BCAR1: variants seen among roughly 807,000 people sequenced by gnomAD.
The protein encoded by BCAR1 is breast cancer anti-estrogen resistance protein 1.
In BCAR1, 30 loss-of-function variants were observed where a neutral mutation model predicts 67.6. The ratio of observed to expected loss-of-function variants is 0.44; its 90% CI spans 0.33 to 0.60. BCAR1 has a LOEUF of 0.60. BCAR1 is among the 20% of genes least tolerant of loss of function. The pLI, the probability that BCAR1 is intolerant of heterozygous loss-of-function variation, is 0.02. For synonymous variants in BCAR1, 626 were observed against 556.7 expected (o/e 1.12, Z -1.75); for missense variants, 1,313 against 1,222.3 (o/e 1.07, Z -1.11).
Position 75,233,907 on chromosome 16 carries a change from T to A in BCAR1, c.2039A>T (p.Lys680Met). The A allele has an allele frequency of 6.2e-7, 1 of 1,610,124 alleles. No homozygotes were observed. Among genetic ancestry groups the A allele is most frequent in the Non-Finnish European group, 8.5e-7 (1 of 1,178,360 alleles). ...GATGCTGCCCTTTTCCAGCAGCTCC[T>A]TCTGGGTCTTCTCAAACTCCTCCTT... ...QGKEEFEKTQ[K>M]ELLEKGSITR... Residue 680 changes from lysine (K) to methionine (M), a missense_variant, in exon 6 of 7, where the codon AAG becomes ATG. Physicochemically the swap from Lys to Met is moderately conservative, Grantham distance 95 (BLOSUM62 -1). Transcript: ENST00000162330.
chr16:75,248,448 A>T (rs139050332), intron 1 of BCAR1: 16 of 914,388 alleles, frequency 1.7e-5, no homozygotes, highest in Non-Finnish European at 2.2e-5. Context: ...CATGCGCCCA[A>T]CTGGCCATCC....
upstream of BCAR1, among the ~76,000 whole-genome samples, chr16:75,253,329 T>A (rs184291932): frequency 6.6e-6 from 1 of 152,164 alleles, no homozygotes; most frequent in East Asian, 1.9e-4. Context: ...TCCACTTCTG[T>A]GGGGAGGGGA....
chr16:75,264,480 G>A, intron 1 of BCAR1: 1 of 1,466,260 alleles, frequency 6.8e-7, no homozygotes, highest in Non-Finnish European at 9.0e-7. Flanking sequence ...GAACAGAAGA[G>A]AGGAAGGGCT....
chr16:75,243,252 A>G lies in BCAR1; in HGVS notation c.13-162T>C, dbSNP rs538247278. ...TTGTGCCTTTGCCTCCACTGTCCCC[A>G]CCTGTTCCCCAGCAGAAAGGCCCAG... On this transcript the variant is annotated intron_variant, in intron 1 of 6. Transcript: ENST00000162330. 6.6e-5 allele frequency among the ~76,000 whole-genome samples: 10 copies of G among 151,870 alleles called. No homozygotes were observed. The East Asian group carries it at 1.7e-3, about 27-fold the overall frequency.
At chr16:75,263,963 A>G in intron 1 of BCAR1, 1 of 1,143,118 alleles carries the variant, frequency 8.7e-7, no homozygotes. Context: ...GTGATCTGCC[A>G]GCCAGCCACG....
rs371417209 is a variant in BCAR1 at position 75,229,844 on chromosome 16, G to A, written c.2280C>T (p.Asn760=). The A allele has an allele frequency of 2.5e-5, 41 of 1,613,266 alleles. No homozygotes were observed. The highest frequency in any genetic ancestry group is 8.0e-5 in the African/African-American group (6 of 74,930). ...QCEANLTTLT[N]AVDAFFTAVA... is the part of the protein sequence containing the mutation. ...CGGCGGTAAAGAAGGCGTCCACGGC[G>A]TTGGTCAGTGTGGTCAGGTTGGCCT... The change falls in exon 7 of 7, where the codon AAC becomes AAT. Residue 760 remains asparagine (N), a synonymous_variant. Coordinates refer to ENST00000162330, the MANE Select transcript of BCAR1 (RefSeq NM_014567.5).
At chr16:75,252,538 C>CTA, upstream of BCAR1, 1 of 889,550 alleles carries the variant, frequency 1.1e-6, no homozygotes, top group Non-Finnish European at 1.6e-6. Context: ...GTGCCAGAGC[C>CTA]CCTGGGCCAG....
At chr16:75,256,942 C>T (rs2077790868) in intron 1 of BCAR1, among the ~76,000 whole-genome samples, 1 of 152,150 alleles carries the variant, frequency 6.6e-6, no homozygotes, top group Non-Finnish European at 1.5e-5. Flanking sequence ...GCACTCTGCC[C>T]CGCTGCTGAC....
chr16:75,242,846 T>A lies in BCAR1; in HGVS notation c.257A>T (p.Gln86Leu). The change falls in exon 2 of 7, where the codon CAG becomes CTG. Residue 86 changes from glutamine to leucine, a missense_variant. By Grantham distance (113) the Gln-to-Leu change is moderately radical (BLOSUM62 -2). Coordinates refer to ENST00000162330, the MANE Select transcript of BCAR1 (RefSeq NM_014567.5). ...AGGCGCTGGGGCATGGAGGCCAGGCTGAGGCTGGGCCGGGGTGGCGGGAGG... is the reference window on the plus strand; with the variant it reads ...AGGCGCTGGGGCATGGAGGCCAGGCAGAGGCTGGGCCGGGGTGGCGGGAGG... ...PGPPATPAQP[Q>L]PGLHAPAPPA... 4 of 1,608,448 alleles carry A rather than the reference T, an allele frequency of 2.5e-6. No individual in the cohort carries two copies. Among genetic ancestry groups the A allele is most frequent in the Non-Finnish European group, 3.4e-6 (4 of 1,178,536 alleles).
chr16:75,242,144 G>A (rs1182222995), intron 2 of BCAR1, among the ~76,000 whole-genome samples: 1 of 152,176 alleles, frequency 6.6e-6, no homozygotes, highest in Non-Finnish European at 1.5e-5. Flanking sequence ...TCCCTTGCGG[G>A]GGCCCAGCAA....
chr16:75,229,986 C>G lies in BCAR1; in HGVS notation c.2138G>C (p.Arg713Pro). The G allele has an allele frequency of 6.4e-7, 1 of 1,569,300 alleles. No individual in the cohort carries two copies. Among genetic ancestry groups the G allele is most frequent in the Non-Finnish European group, 8.7e-7 (1 of 1,155,252 alleles). ...GTTGGCCAGGTCGTGGTCTATGGGC[C>G]GTGACACCTCCTGTTCCAGTCGTTC... ...QFERLEQEVS[R>P]PIDHDLANWT... Residue 713 changes from arginine (R) to proline (P), a missense_variant, in exon 7 of 7, where the codon CGG (arginine) becomes CCG (proline). Around this residue, in one of 2 missense-constraint regions of BCAR1, gnomAD observed 1,272 missense variants for 1,137.5 expected, o/e 1.12. Transcript: ENST00000162330.
At chr16:75,252,131 T>G, upstream of BCAR1, 2 of 1,452,654 alleles carry the variant, frequency 1.4e-6, no homozygotes, top group Non-Finnish European at 1.9e-6. Flanking sequence ...CCACCACAGC[T>G]CCGACTGTAG....
upstream of BCAR1, chr16:75,256,035 G>T: frequency 6.6e-6 from 1 of 152,512 alleles, no homozygotes; most frequent in Non-Finnish European, 1.5e-5. Context: ...GAACCTTTGT[G>T]GATAGCACGG....
rs1305933030 is a variant in BCAR1, at chr16:75,229,274, G to A, written c.*237C>T. ...CCGTCTGGTGACCCAACCCGGGCCC[G>A]TGGTGCATGCTGGGGAAGGCCACTG... On this transcript the variant is annotated 3_prime_UTR_variant, in exon 7 of 7. Transcript: ENST00000162330. The A allele has an allele frequency of 6.7e-6, 4 of 592,652 alleles. No homozygotes were observed. Among genetic ancestry groups the A allele is most frequent in the Non-Finnish European group, 1.1e-5 (4 of 367,392 alleles). The allele number at this position is 592,652 out of a possible 1,614,324, so 36.7% of individuals were successfully genotyped here. A position where few individuals can be genotyped will look rare whatever the true frequency, so the allele number is the denominator to read the frequency against.
Position 75,266,702 on chromosome 16 carries a change from G to C in BCAR1, c.66+1213C>G, listed in dbSNP as rs886269989. ...GTTACATTTCATAGGCCCAGGCACT[G>C]AGATCCCTCACCCACTCAAAGGAAG... On this transcript the variant is annotated intron_variant, in intron 1 of 6. Coordinates refer to the BCAR1 transcript ENST00000393422. 2.7e-5 allele frequency: 37 copies of C among 1,385,880 alleles called. No homozygotes were observed. The Admixed American group carries it at 9.0e-4, about 34-fold the overall frequency. The allele number at this position is 1,385,880 out of a possible 1,614,324, so 85.8% of individuals were successfully genotyped here.
chr16:75,244,090 T>C (rs2151440450), intron 1 of BCAR1, among the ~76,000 whole-genome samples: 1 of 152,218 alleles, frequency 6.6e-6, no homozygotes, highest in East Asian at 1.9e-4. Context: ...GGAAGCCGGG[T>C]GTGAGAACAG....
chr16:75,254,935 G>T (rs906252571), upstream of BCAR1, among the ~76,000 whole-genome samples: 3 of 152,154 alleles, frequency 2.0e-5, no homozygotes, highest in Non-Finnish European at 4.4e-5. Flanking sequence ...CTGCTCTTTG[G>T]GCTTTCTGAG....
Position 75,233,840 on chromosome 16 carries a change from C to T in BCAR1, c.2100+6G>A. On this transcript the variant is annotated splice_donor_region_variant and intron_variant, in intron 6 of 6. Transcript: ENST00000162330. ...AGCTGGGCCTTGCTCTGCTCCGGGG[C>T]CTCACCTGCTGCAACTCCAGCTGGC... is the stretch of plus-strand genomic sequence containing the variant. 2 of 1,598,666 alleles carry T rather than the reference C, an allele frequency of 1.3e-6. No individual in the cohort carries two copies. The highest frequency in any genetic ancestry group is 1.7e-6 in the Non-Finnish European group (2 of 1,172,918).
At chr16:75,230,114 T>C (rs2076847250) in intron 6 of BCAR1, 91 bp from the exon 7 acceptor site, 8 of 1,452,184 alleles carry the variant, frequency 5.5e-6, no homozygotes, top group Non-Finnish European at 7.4e-6. Context: ...TGGGCTTCTC[T>C]AAAAGGGCCG....
Sources: gnomAD v4.1 joint callset for allele counts (sites outside exome capture counted in the v4.1 genomes callset) on GRCh38, gnomAD v4.1.1 for gene constraint, gnomAD v4.1.1 regional missense constraint, MANE v1.5 for transcripts, NCBI Gene and HGNC (gene_info 2026-07-23, HGNC 2026-07-21) for gene names.